PLCL1: variants seen among roughly 807,000 people sequenced by gnomAD.
PLCL1 encodes inactive phospholipase C-like protein 1.
PLCL1 carries 41 observed loss-of-function variants against 84.4 expected under a neutral mutation model. That is an observed-to-expected ratio of 0.49 (90% CI 0.38 to 0.63). The LOEUF (loss-of-function observed/expected upper bound fraction) is 0.63, where lower values mean the gene tolerates loss of function less well. Ranked by LOEUF, PLCL1 falls within the 30% of genes least tolerant of loss-of-function variation. The pLI is 0.00. For missense variants in PLCL1, 1,206 were observed against 1,367.8 expected, an observed-to-expected ratio of 0.88 and a Z score of 1.87; for synonymous variants, 490 against 488.3, an observed-to-expected ratio of 1.00 and a Z score of -0.05.
At chr2:198,102,851 C>G (rs1340869740) in intron 4 of PLCL1, among the ~76,000 whole-genome samples, 1 of 152,050 alleles carries the variant, frequency 6.6e-6, no homozygotes, top group African/African-American at 2.4e-5. Context: ...TCAGTCATAG[C>G]TTTCTGAAGA....
chr2:197,923,646 C>T (rs919006913), intron 1 of PLCL1, among the ~76,000 whole-genome samples: 2 of 149,280 alleles, frequency 1.3e-5, no homozygotes, highest in South Asian at 2.2e-4. Flanking sequence ...GGATGGCGGC[C>T]GGGCGCAGAC....
In PLCL1 at chr2:197,882,798, T is replaced by C. The variant is rs537814256; in HGVS notation, c.240+77459T>C. Among the ~76,000 whole-genome samples, 56 of 152,336 alleles carry C rather than the reference T, an allele frequency of 3.7e-4. 1 individual carries two copies. The highest frequency in any genetic ancestry group is 1.2e-3 in the African/African-American group (51 of 41,578). On this transcript the variant is annotated intron_variant, in intron 1 of 5. Transcript: ENST00000428675. ...CAAATATATACTATATGTATACTTA[T>C]AAGGTATAGCAAATATAAAACTTCA...
At chr2:197,896,923 G>A (rs533511509) in intron 1 of PLCL1, among the ~76,000 whole-genome samples, 19 of 152,218 alleles carry the variant, frequency 1.2e-4, no homozygotes, top group Non-Finnish European at 1.5e-5. Flanking sequence ...ATTACCCTCT[G>A]TATTTTAGAG....
chr2:198,073,568 T>C (rs1325304720), intron 1 of PLCL1, among the ~76,000 whole-genome samples: 1 of 152,240 alleles, frequency 6.6e-6, no homozygotes, highest in Non-Finnish European at 1.5e-5. Context: ...AAGGACATAT[T>C]CTATTATTGT....
At position 198,148,547 on chromosome 2, in the gene PLCL1, G is replaced by C. The variant is rs1027205925; in HGVS notation, c.*1585G>C. The C allele has an allele frequency of 6.6e-6, 1 of 152,258 alleles. No homozygotes were observed. The highest frequency in any genetic ancestry group is 2.4e-5 in the African/African-American group (1 of 41,442). 9.4% of individuals were successfully genotyped at this position (152,258 alleles called of 1,614,324 possible). A position where few individuals can be genotyped will look rare whatever the true frequency, so the allele number is the denominator to read the frequency against. On this transcript the variant is annotated 3_prime_UTR_variant, in exon 6 of 6. Coordinates refer to ENST00000428675, the MANE Select transcript of PLCL1 (RefSeq NM_006226.4). ...TCCCTGGGTTTAAAACTGGGCACTC[G>C]AGGAGGAGGTACCTGAAGTCATTTG...
At chr2:197,906,438 A>G (rs1354261796) in intron 1 of PLCL1, among the ~76,000 whole-genome samples, 1 of 151,936 alleles carries the variant, frequency 6.6e-6, no homozygotes, top group East Asian at 1.9e-4. Flanking sequence ...TTTTGGTACC[A>G]GTACTATGCT....
At chr2:197,973,121 T>C (rs1479604237) in intron 1 of PLCL1, among the ~76,000 whole-genome samples, 2 of 152,224 alleles carry the variant, frequency 1.3e-5, no homozygotes, top group Non-Finnish European at 2.9e-5. Flanking sequence ...TCAGGTTCTT[T>C]AAGAAACACA....
intron 1 of PLCL1, among the ~76,000 whole-genome samples, chr2:197,893,541 C>T (rs1489460446): frequency 6.6e-6 from 1 of 152,146 alleles, no homozygotes; most frequent in African/African-American, 2.4e-5. Flanking sequence ...AAATAGGCAG[C>T]ACAGGCATCA....
intron 1 of PLCL1, among the ~76,000 whole-genome samples, chr2:197,968,587 C>A (rs919028919): frequency 6.6e-6 from 1 of 152,106 alleles, no homozygotes; most frequent in Admixed American, 6.6e-5. Flanking sequence ...TCCAGTATAC[C>A]ATGGTGCTAA....
chr2:197,936,122 A>C, intron 1 of PLCL1, among the ~76,000 whole-genome samples: 1 of 140,274 alleles, frequency 7.1e-6, no homozygotes, highest in Non-Finnish European at 1.5e-5. Flanking sequence ...ATGTATACAT[A>C]TATTAAACAC....
intron 1 of PLCL1, among the ~76,000 whole-genome samples, chr2:197,965,588 TG>T (rs1689711995): frequency 6.6e-6 from 1 of 152,194 alleles, no homozygotes; most frequent in African/African-American, 2.4e-5. Flanking sequence ...CTGCTGATTT[TG>T]TGTTTGGGTT....
rs541145771 is a variant in PLCL1, at chr2:197,811,978, C to T, written c.240+6639C>T. Among the ~76,000 whole-genome samples, 4 of 152,268 alleles carry T rather than the reference C, an allele frequency of 2.6e-5. No individual in the cohort carries two copies. The South Asian group carries it at 6.2e-4, about 24-fold the overall frequency. ...AGTACCCTAACCCAACCTTCCCCTT[C>T]GAGTAGTCCCCAGTATTTATTGTTC... On this transcript the variant is annotated intron_variant, in intron 1 of 5. Transcript: ENST00000428675.
At chr2:198,002,102 C>T (rs1334565510) in intron 1 of PLCL1, 1 of 256,900 alleles carries the variant, frequency 3.9e-6, no homozygotes, top group Non-Finnish European at 8.0e-6. Flanking sequence ...CATCCCAAAA[C>T]CATCTCCACC....
Position 198,085,430 on chromosome 2 carries a change from T to C in PLCL1, c.1913T>C (p.Phe638Ser), listed in dbSNP as rs61735575. Residue 638 changes from phenylalanine (F) to serine (S), a missense_variant, in exon 2 of 6, where the codon TTC (phenylalanine) becomes TCC (serine). Coordinates refer to ENST00000428675, the MANE Select transcript of PLCL1 (RefSeq NM_006226.4). The surrounding 1 kb of genome is among the most constrained non-coding windows in gnomAD (Gnocchi z 5.3). ...GATTTTGTTAATTATAATAAGAAGT[T>C]CTTATCAAGAATCTATCCAAGTGCC... ...PEDFVNYNKK[F>S]LSRIYPSAMR... 6.2e-7 allele frequency: 1 copy of C among 1,613,134 alleles called. No homozygotes were observed. Among genetic ancestry groups the C allele is most frequent in the Non-Finnish European group, 8.5e-7 (1 of 1,179,236 alleles).
chr2:197,832,965 C>G (rs943684304), intron 1 of PLCL1, among the ~76,000 whole-genome samples: 1 of 152,220 alleles, frequency 6.6e-6, no homozygotes, highest in Non-Finnish European at 1.5e-5. Context: ...TGCGGTGGCT[C>G]ACGCCTGTGA....
At chr2:198,044,744 C>T (rs896128258) in intron 1 of PLCL1, among the ~76,000 whole-genome samples, 4 of 152,142 alleles carry the variant, frequency 2.6e-5, no homozygotes, top group African/African-American at 9.7e-5. Context: ...CTCTTAATCT[C>T]AACTTCCTGG....
intron 1 of PLCL1, among the ~76,000 whole-genome samples, chr2:197,883,608 TC>T (rs1305396437): frequency 6.6e-6 from 1 of 152,152 alleles, no homozygotes; most frequent in East Asian, 1.9e-4. Context: ...CAAGAGGACT[TC>T]AGAATGAAGT....
At chr2:197,933,436 T>A (rs6760691) in intron 1 of PLCL1, among the ~76,000 whole-genome samples, 201 of 152,232 alleles carry the variant, frequency 1.3e-3, no homozygotes, top group African/African-American at 4.3e-3. Flanking sequence ...GCTAATTTTT[T>A]GTATTTTTAG....
At chr2:198,004,623 T>C (rs1299245647) in intron 1 of PLCL1, among the ~76,000 whole-genome samples, 2 of 152,234 alleles carry the variant, frequency 1.3e-5, no homozygotes, top group Non-Finnish European at 2.9e-5. Flanking sequence ...AGGGTGGTCA[T>C]ATTTAAATAA....
Sources: gnomAD v4.1 joint callset for allele counts (sites outside exome capture counted in the v4.1 genomes callset) on GRCh38, gnomAD v4.1.1 for gene constraint, Gnocchi (gnomAD v3.1) non-coding constraint, MANE v1.5 for transcripts, NCBI Gene and HGNC (gene_info 2026-07-23, HGNC 2026-07-21) for gene names.